NACC2: variants seen among roughly 807,000 people sequenced by gnomAD.
NACC2 encodes NACC family member 2.
NACC2 carries 8 observed loss-of-function variants against 25.1 expected under a neutral mutation model. The observed-to-expected ratio is 0.32, with a 90% confidence interval of 0.19 to 0.57. NACC2 has a LOEUF of 0.57. NACC2 is among the 20% of genes least tolerant of loss of function. NACC2 has a pLI of 0.89. For missense variants in NACC2, 644 were observed against 650.2 expected (o/e 0.99, Z 0.10); for synonymous variants, 435 against 294.7 (o/e 1.48, Z -4.88).
intron 2 of NACC2, among the ~76,000 whole-genome samples, chr9:136,032,176 A>C (rs1840485069): frequency 6.6e-6 from 1 of 152,230 alleles, no homozygotes; most frequent in Non-Finnish European, 1.5e-5. Flanking sequence ...GAGGGGAAGG[A>C]ATATCAGCGA....
At chr9:136,068,551 C>T (rs7027118) in intron 1 of NACC2, among the ~76,000 whole-genome samples, 73,953 of 149,310 alleles carry the variant, frequency 0.5, 19,352 homozygotes, top group Middle Eastern at 0.63. Flanking sequence ...ATGGCTACAT[C>T]GTCACTAGGC....
intron 1 of NACC2, among the ~76,000 whole-genome samples, chr9:136,068,003 G>T (rs1841107699): frequency 6.6e-6 from 1 of 152,180 alleles, no homozygotes; most frequent in South Asian, 2.1e-4. Flanking sequence ...CATAGTAAAG[G>T]TTCAGTAAAA....
intron 1 of NACC2, among the ~76,000 whole-genome samples, chr9:136,061,184 A>C (rs1412048623): frequency 6.6e-6 from 1 of 152,092 alleles, no homozygotes; most frequent in Non-Finnish European, 1.5e-5. Context: ...GTGAGCTCAG[A>C]CTGTGCCGGC....
rs903044689 is a variant in NACC2, at chr9:136,049,724, C to T, written c.798G>A (p.Glu266=). ...AGGCCTCGTCGTCCTCCTCGTCCTC[C>T]TCGTTGTGGTACGAGGTGGGGCTGT... ...TTDSPTSYHN[E]EDEEDDEAYD... is the part of the protein sequence containing the mutation. The change falls in exon 2 of 6, where the codon GAG becomes GAA. Residue 266 remains glutamate, a synonymous_variant. Coordinates refer to ENST00000277554, the MANE Select transcript of NACC2 (RefSeq NM_144653.5). 3.1e-5 allele frequency: 24 copies of T among 779,174 alleles called. No individual in the cohort carries two copies. Among genetic ancestry groups the T allele is most frequent in the Non-Finnish European group, 5.7e-5 (24 of 417,520 alleles). 48.3% of individuals were successfully genotyped at this position (779,174 alleles called of 1,614,324 possible).
intron 1 of NACC2, among the ~76,000 whole-genome samples, chr9:136,076,805 G>A (rs1041473013): frequency 6.6e-6 from 1 of 152,102 alleles, no homozygotes; most frequent in Non-Finnish European, 1.5e-5. Context: ...TCAGGAGATC[G>A]AGACCATCCT....
chr9:136,013,776 A>G lies in NACC2; in HGVS notation c.1157+88T>C. On this transcript the variant is annotated intron_variant, in intron 4 of 5. Coordinates refer to ENST00000277554, the MANE Select transcript of NACC2 (RefSeq NM_144653.5). This position sits in a 1 kb window ranked among gnomAD's most constrained non-coding sequence, Gnocchi z 6.6. ...ATGCGAGAGGGCTTTCAATGCCACAACCCTGGACGATCAGACAGCTCATAG... is the reference window on the plus strand; with the variant it reads ...ATGCGAGAGGGCTTTCAATGCCACAGCCCTGGACGATCAGACAGCTCATAG... 8.2e-7 allele frequency: 1 copy of G among 1,226,760 alleles called. No homozygotes were observed. The highest frequency in any genetic ancestry group is 1.2e-6 in the Non-Finnish European group (1 of 862,658). 76.0% of individuals were successfully genotyped at this position (1,226,760 alleles called of 1,614,324 possible).
intron 2 of NACC2, among the ~76,000 whole-genome samples, chr9:136,021,352 T>C (rs1721086971): frequency 6.6e-6 from 1 of 152,018 alleles, no homozygotes; most frequent in Non-Finnish European, 1.5e-5. Flanking sequence ...GCGGGAAACG[T>C]AAAAACACCG....
At chr9:136,054,933 G>A (rs917983980) in intron 1 of NACC2, among the ~76,000 whole-genome samples, 66 of 152,188 alleles carry the variant, frequency 4.3e-4, no homozygotes, top group Admixed American at 3.7e-3. Flanking sequence ...CCCAAGGCCC[G>A]AGTCCACTCC....
In NACC2 at chr9:136,076,372, A is replaced by G. The variant is rs563662297; in HGVS notation, c.-60+18817T>C. On this transcript the variant is annotated intron_variant, in intron 1 of 5. Coordinates refer to ENST00000277554, the MANE Select transcript of NACC2 (RefSeq NM_144653.5). ...CCTGCCCATACCACGACAAAAATGA[A>G]ATGAAATTCTGATGCACCCCCCAGC... Among the ~76,000 whole-genome samples, 14 of 152,158 alleles carry G rather than the reference A, an allele frequency of 9.2e-5. No individual in the cohort carries two copies. In the East Asian group the frequency reaches 2.7e-3, roughly 29 times the overall value.
chr9:136,069,574 AAAAC>A (rs1350234815), intron 1 of NACC2, among the ~76,000 whole-genome samples: 1 of 151,646 alleles, frequency 6.6e-6, no homozygotes, highest in African/African-American at 2.4e-5. Flanking sequence ...AAAACAAAAC[AAAAC>A]AAAAAAAACA....
intron 2 of NACC2, among the ~76,000 whole-genome samples, chr9:136,033,974 T>C (rs1000947421): frequency 2.0e-5 from 3 of 150,444 alleles, no homozygotes; most frequent in African/African-American, 7.4e-5. Flanking sequence ...GAAAAGCATA[T>C]GAAAATGCAA....
chr9:136,059,224 G>A (rs1476607163), intron 1 of NACC2, among the ~76,000 whole-genome samples: 1 of 152,186 alleles, frequency 6.6e-6, no homozygotes, highest in African/African-American at 2.4e-5. Flanking sequence ...CGGGACTAGG[G>A]ACACCCTCAG....
At chr9:136,063,867 G>C (rs10858214) in intron 1 of NACC2, among the ~76,000 whole-genome samples, 1 of 144,810 alleles carries the variant, frequency 6.9e-6, no homozygotes, top group East Asian at 2.0e-4. Flanking sequence ...CTGGGAAACA[G>C]AGCGAGACTC....
chr9:136,014,095 T>G, intron 3 of NACC2, 126 bp from the exon 4 acceptor site: 1 of 684,176 alleles, frequency 1.5e-6, no homozygotes, highest in Non-Finnish European at 2.4e-6. Flanking sequence ...CTTCTAGGAC[T>G]TTTTTTGGGG....
intron 1 of NACC2, among the ~76,000 whole-genome samples, chr9:136,074,403 A>G: frequency 7.1e-6 from 1 of 141,718 alleles, no homozygotes; most frequent in African/African-American, 2.6e-5. Flanking sequence ...CAGTGAGCCG[A>G]GGTTGTGCCA....
At position 136,049,736 on chromosome 9, in the gene NACC2, C is replaced by A. The variant is rs1840787620; in HGVS notation, c.786G>T (p.Ser262=). The change falls in exon 2 of 6, where the codon TCG becomes TCT. Residue 262 remains serine, a synonymous_variant. Coordinates refer to ENST00000277554, the MANE Select transcript of NACC2 (RefSeq NM_144653.5). ...SSLPTTDSPT[S]YHNEEDEEDD... ...CCTCCTCGTCCTCCTCGTTGTGGTACGAGGTGGGGCTGTCGGTGGTGGGCA... is the reference window on the plus strand; with the variant it reads ...CCTCCTCGTCCTCCTCGTTGTGGTAAGAGGTGGGGCTGTCGGTGGTGGGCA... The A allele has an allele frequency of 1.3e-6, 1 of 778,814 alleles. No individual in the cohort carries two copies. Among genetic ancestry groups the A allele is most frequent in the Non-Finnish European group, 2.4e-6 (1 of 417,380 alleles). The allele number at this position is 778,814 out of a possible 1,614,324, so 48.2% of individuals were successfully genotyped here. A position where few individuals can be genotyped will look rare whatever the true frequency, so the allele number is the denominator to read the frequency against.
chr9:136,067,565 C>T (rs111824453), intron 1 of NACC2, among the ~76,000 whole-genome samples: 45 of 152,244 alleles, frequency 3.0e-4, no homozygotes, highest in African/African-American at 4.1e-4. Flanking sequence ...GGGCCGGGCG[C>T]GGTGGCTCAC....
Position 136,022,335 on chromosome 9 carries a change from A to AC in NACC2, c.887-5907dup, listed in dbSNP as rs1224351874. Among the ~76,000 whole-genome samples, 1 of 152,020 alleles carries AC rather than the reference A, an allele frequency of 6.6e-6. No individual in the cohort carries two copies. The highest frequency in any genetic ancestry group is 1.5e-5 in the Non-Finnish European group (1 of 67,990). ...CACTCTCCACATGGGGCTGTGTCCCACCCCCGAAAGCACACAGGTGTGGAC... is the reference window on the plus strand; with the variant it reads ...CACTCTCCACATGGGGCTGTGTCCCACCCCCCGAAAGCACACAGGTGTGGAC... On this transcript the variant is annotated intron_variant, in intron 2 of 5. Coordinates refer to ENST00000277554, the MANE Select transcript of NACC2 (RefSeq NM_144653.5). This position sits in a 1 kb window ranked among gnomAD's most constrained non-coding sequence, Gnocchi z 4.4.
At chr9:136,049,206 C>A (rs1588571183) in intron 2 of NACC2, among the ~76,000 whole-genome samples, 1 of 152,184 alleles carries the variant, frequency 6.6e-6, no homozygotes, top group Admixed American at 6.5e-5. Context: ...TGGCGCGGGG[C>A]CTGGAGAGGT....
Sources: allele counts gnomAD v4.1 joint callset (sites outside exome capture counted in the v4.1 genomes callset), GRCh38; gene constraint gnomAD v4.1.1; non-coding constraint Gnocchi (gnomAD v3.1); transcripts MANE v1.5; gene names NCBI Gene and HGNC (gene_info 2026-07-23, HGNC 2026-07-21).